FRMD4A: variants seen among roughly 807,000 people sequenced by gnomAD.
FRMD4A encodes the protein FERM domain-containing protein 4A.
Under a neutral mutation model 129.1 loss-of-function variants are expected in FRMD4A, and 29 were observed. The ratio of observed to expected loss-of-function variants is 0.22; its 90% CI spans 0.17 to 0.31. FRMD4A has a LOEUF of 0.31. Among genes scored for constraint, FRMD4A ranks in the 10% least tolerant of loss-of-function variants. The probability of loss-of-function intolerance (pLI) is 1.00; values close to 1 mark genes in which losing one functional copy is unlikely to be tolerated. For missense variants in FRMD4A, 1,272 were observed against 1,375.8 expected (o/e 0.92, Z 1.19); for synonymous variants, 634 against 571.6 (o/e 1.11, Z -1.56).
At chr10:13,976,487 T>G (rs1475553078) in intron 2 of FRMD4A, among the ~76,000 whole-genome samples, 4 of 152,086 alleles carry the variant, frequency 2.6e-5, no homozygotes, top group African/African-American at 9.7e-5. Flanking sequence ...TCTCGGAGTT[T>G]CTGTGTTTTC....
At chr10:13,678,348 C>T (rs1002842058) in intron 15 of FRMD4A, among the ~76,000 whole-genome samples, 8 of 152,178 alleles carry the variant, frequency 5.3e-5, no homozygotes, top group South Asian at 2.1e-4. Flanking sequence ...GTCAAATCCC[C>T]GCAAAATCAC....
chr10:13,803,335 A>G (rs973006109), intron 4 of FRMD4A, among the ~76,000 whole-genome samples: 1 of 152,006 alleles, frequency 6.6e-6, no homozygotes, highest in Non-Finnish European at 1.5e-5. Context: ...CTTTTTAAAA[A>G]TGTTTTATTT....
intron 13 of FRMD4A, among the ~76,000 whole-genome samples, chr10:13,705,192 G>A (rs2087294592): frequency 6.6e-6 from 1 of 152,200 alleles, no homozygotes; most frequent in Non-Finnish European, 1.5e-5. Context: ...GGACACAGAA[G>A]CTTCGCAAGA....
At chr10:13,734,646 T>C (rs1384860082) in intron 12 of FRMD4A, among the ~76,000 whole-genome samples, 1 of 112,494 alleles carries the variant, frequency 8.9e-6, no homozygotes, top group African/African-American at 3.0e-5. Flanking sequence ...TGGGGACTTC[T>C]CTTCTCCTTA....
At chr10:13,927,355 A>G (rs958582226) in intron 2 of FRMD4A, among the ~76,000 whole-genome samples, 2 of 152,184 alleles carry the variant, frequency 1.3e-5, no homozygotes, top group Non-Finnish European at 2.9e-5. Context: ...ATTCTACTAT[A>G]ATAGAAATGT....
At position 13,697,949 on chromosome 10, in the gene FRMD4A, T is replaced by C. The variant is rs375771259; in HGVS notation, c.975+3391A>G. ...ACGTTTCTGATCTCTGGGGTCAGCATAGAAGTTACCAATTATAATTGGTGC... is the reference window on the plus strand; with the variant it reads ...ACGTTTCTGATCTCTGGGGTCAGCACAGAAGTTACCAATTATAATTGGTGC... On this transcript the variant is annotated intron_variant, in intron 14 of 24. Coordinates refer to ENST00000357447, the MANE Select transcript of FRMD4A (RefSeq NM_018027.5). Among the ~76,000 whole-genome samples the C allele has an allele frequency of 8.5e-5, 13 of 152,278 alleles. No individual in the cohort carries two copies. The East Asian group carries it at 1.7e-3, about 20-fold the overall frequency.
intron 2 of FRMD4A, among the ~76,000 whole-genome samples, chr10:14,270,598 A>C (rs1252746535): frequency 6.6e-6 from 1 of 152,198 alleles, no homozygotes; most frequent in Non-Finnish European, 1.5e-5. Context: ...ATTGCTATTA[A>C]TCATTTATAC....
chr10:13,747,913 C>A, intron 8 of FRMD4A, 94 bp from the exon 9 acceptor site: 1 of 745,474 alleles, frequency 1.3e-6, no homozygotes. Context: ...CTGAGAGACC[C>A]CACATCTGCT....
Position 13,983,613 on chromosome 10 carries a change from T to C in FRMD4A, c.46-124701A>G, listed in dbSNP as rs540268781. On this transcript the variant is annotated intron_variant, in intron 2 of 24. Coordinates refer to ENST00000357447, the MANE Select transcript of FRMD4A (RefSeq NM_018027.5). ...TGGTTTGAGGTATTGGTTATTTCCCTCTTGTTGCAGAAACAAAAGTGGTGA... is the reference window on the plus strand; with the variant it reads ...TGGTTTGAGGTATTGGTTATTTCCCCCTTGTTGCAGAAACAAAAGTGGTGA... Among the ~76,000 whole-genome samples, 21 of 152,216 alleles carry C rather than the reference T, an allele frequency of 1.4e-4. No homozygotes were observed. In the East Asian group the frequency reaches 3.1e-3, roughly 22 times the overall value.
chr10:14,007,969 G>A, intron 2 of FRMD4A: 1 of 1,260,110 alleles, frequency 7.9e-7, no homozygotes, highest in Non-Finnish European at 1.0e-6. Context: ...CAGGAAACGT[G>A]AGTAACAGAA....
intron 2 of FRMD4A, among the ~76,000 whole-genome samples, chr10:14,224,031 G>C (rs1332980712): frequency 6.6e-6 from 1 of 152,170 alleles, no homozygotes; most frequent in Non-Finnish European, 1.5e-5. Context: ...CCTTTGAAAA[G>C]GGACATACAT....
intron 2 of FRMD4A, among the ~76,000 whole-genome samples, chr10:13,892,691 A>G (rs2094714746): frequency 6.6e-6 from 1 of 152,160 alleles, no homozygotes; most frequent in Non-Finnish European, 1.5e-5. Context: ...TTTCTCTAGA[A>G]TTTCCAACCT....
chr10:14,048,328 G>T (rs957525025), intron 2 of FRMD4A, among the ~76,000 whole-genome samples: 4 of 152,160 alleles, frequency 2.6e-5, no homozygotes, highest in African/African-American at 9.7e-5. Flanking sequence ...CTTTGTAACT[G>T]CCTATTTGCT....
At chr10:14,114,592 A>G (rs1437649837) in intron 2 of FRMD4A, among the ~76,000 whole-genome samples, 1 of 152,210 alleles carries the variant, frequency 6.6e-6, no homozygotes, top group Admixed American at 6.5e-5. Flanking sequence ...AAATTTGACA[A>G]TGAGGGAGGG....
At chr10:13,875,733 C>T (rs1048825827) in intron 2 of FRMD4A, among the ~76,000 whole-genome samples, 15 of 152,254 alleles carry the variant, frequency 9.9e-5, no homozygotes, top group Middle Eastern at 3.4e-3. Flanking sequence ...CTTCCCAGGA[C>T]TGAGGGAAAA....
intron 2 of FRMD4A, among the ~76,000 whole-genome samples, chr10:13,873,922 G>C (rs754195651): frequency 8.6e-5 from 13 of 151,998 alleles, no homozygotes; most frequent in Non-Finnish European, 1.9e-4. Flanking sequence ...AGCAAGAAGA[G>C]CAAGGAAGGG....
chr10:13,720,203 C>T (rs1468891883), intron 12 of FRMD4A, among the ~76,000 whole-genome samples: 1 of 152,186 alleles, frequency 6.6e-6, no homozygotes, highest in Admixed American at 6.5e-5. Context: ...TGCGCGCCAG[C>T]ACGCCCAGCT....
chr10:14,327,997 T>C (rs1843346796), intron 2 of FRMD4A, among the ~76,000 whole-genome samples: 1 of 152,116 alleles, frequency 6.6e-6, no homozygotes, highest in African/African-American at 2.4e-5. Context: ...AGATGCATCA[T>C]GCAAGATGTC....
chr10:13,890,632 G>A (rs967579066), intron 2 of FRMD4A: 5 of 985,252 alleles, frequency 5.1e-6, no homozygotes, highest in East Asian at 2.3e-4. Flanking sequence ...ATCACTATCT[G>A]TGAGGAGGAT....
Sources: gnomAD v4.1 joint callset for allele counts (sites outside exome capture counted in the v4.1 genomes callset) on GRCh38, gnomAD v4.1.1 for gene constraint, MANE v1.5 for transcripts, NCBI Gene and HGNC (gene_info 2026-07-23, HGNC 2026-07-21) for gene names.